Variants in TPO observed in about 807,000 individuals in gnomAD.
TPO encodes the protein thyroid peroxidase, also known as thyroid microsomal antigen.
TPO carries 78 observed loss-of-function variants against 96.9 expected under a neutral mutation model. The ratio of observed to expected loss-of-function variants is 0.81; its 90% confidence interval spans 0.67 to 0.97. The LOEUF is 0.97. Ranked by LOEUF, TPO falls within the 50% of genes least tolerant of loss-of-function variation. The pLI is 0.00. For missense variants in TPO, 1,252 were observed against 1,274.8 expected, an observed-to-expected ratio of 0.98 and a Z score of 0.27; for synonymous variants, 547 against 538.0, an observed-to-expected ratio of 1.02 and a Z score of -0.23.
Position 1,386,597 on chromosome 2 carries a change from A to T in TPO, n.180+12195A>T, listed in dbSNP as rs564705146. Among the ~76,000 whole-genome samples, 7 of 152,022 alleles carry T rather than the reference A, an allele frequency of 4.6e-5. No individual in the cohort carries two copies. In the South Asian group the frequency reaches 1.5e-3, roughly 32 times the overall value. ...TCCTCCGTCCCTTTATTTTGAGCCT[A>T]TGTGTGTCTCTGCATGTGAGATGGG... On this transcript the variant is annotated intron_variant and non_coding_transcript_variant, in intron 1 of 5. Transcript: ENST00000497517.
At chr2:1,413,975 G>A (rs1224460775) in intron 1 of TPO, among the ~76,000 whole-genome samples, 1 of 152,114 alleles carries the variant, frequency 6.6e-6, no homozygotes, top group Non-Finnish European at 1.5e-5. Flanking sequence ...AGGCATTTAG[G>A]GGTTTTATTT....
chr2:1,384,255 T>C (rs1266956348), intron 1 of TPO, among the ~76,000 whole-genome samples: 2 of 152,218 alleles, frequency 1.3e-5, no homozygotes, highest in East Asian at 1.9e-4. Context: ...AAGAAAGTCA[T>C]TGGTAGCTTC....
At chr2:1,470,139 G>A (rs13397445) in intron 7 of TPO, among the ~76,000 whole-genome samples, 10,738 of 152,124 alleles carry the variant, frequency 0.071, 625 homozygotes, top group African/African-American at 0.15. Context: ...TTTCCAATGC[G>A]GTAAAGAAGA....
chr2:1,541,228 C>T, intron 16 of TPO: 1 of 1,117,146 alleles, frequency 9.0e-7, no homozygotes, highest in Non-Finnish European at 1.1e-6. Flanking sequence ...CAGTGGCCTC[C>T]AGAGGGGAGT....
chr2:1,426,992 C>T (rs984248882), intron 3 of TPO, among the ~76,000 whole-genome samples: 8 of 152,248 alleles, frequency 5.3e-5, no homozygotes, highest in Middle Eastern at 3.4e-3. Context: ...GAAGTGTTTA[C>T]GAAAAGGGAG....
chr2:1,470,804 A>G (rs935052751), intron 7 of TPO, among the ~76,000 whole-genome samples: 4 of 152,190 alleles, frequency 2.6e-5, no homozygotes, highest in Non-Finnish European at 5.9e-5. Context: ...TAATTTCCCA[A>G]GAATTTTAAT....
chr2:1,486,460 T>C (rs28911472), intron 9 of TPO, among the ~76,000 whole-genome samples: 2,127 of 151,888 alleles, frequency 0.014, 56 homozygotes, highest in African/African-American at 0.049. Flanking sequence ...CGCTTGAACC[T>C]GGGAGGCAGA....
At chr2:1,507,168 A>G (rs1358773388) in intron 14 of TPO, among the ~76,000 whole-genome samples, 1 of 152,160 alleles carries the variant, frequency 6.6e-6, no homozygotes, top group Non-Finnish European at 1.5e-5. Context: ...TGTTTTTGTC[A>G]GGTTTGTCAA....
Position 1,496,220 on chromosome 2 carries a change from A to T in TPO, c.2215+23A>T, listed in dbSNP as rs369430232. On this transcript the variant is annotated intron_variant, in intron 12 of 16. Coordinates refer to ENST00000329066, the MANE Select transcript of TPO (RefSeq NM_001206744.2). ...AAGGTGAAGTTCGGTCTCCTCTCACACCACGTTACAGCACGTGCATCTCAT... is the reference window on the plus strand; with the variant it reads ...AAGGTGAAGTTCGGTCTCCTCTCACTCCACGTTACAGCACGTGCATCTCAT... 82 of 1,610,138 alleles carry T rather than the reference A, an allele frequency of 5.1e-5. No individual in the cohort carries two copies. The African/African-American group carries it at 7.3e-4, about 14-fold the overall frequency.
intron 15 of TPO, among the ~76,000 whole-genome samples, chr2:1,526,167 C>CT (rs1676446888): frequency 9.5e-6 from 1 of 104,864 alleles, no homozygotes; most frequent in Non-Finnish European, 2.0e-5. Flanking sequence ...CAAATCCCCC[C>CT]ACTGTGTGCA....
chr2:1,418,059 G>T (rs912582246), intron 2 of TPO, among the ~76,000 whole-genome samples: 1 of 152,234 alleles, frequency 6.6e-6, no homozygotes, highest in Non-Finnish European at 1.5e-5. Context: ...GAGGCGGGAA[G>T]ATCACTTGAG....
chr2:1,443,620 T>G, intron 5 of TPO, among the ~76,000 whole-genome samples: 1 of 144,772 alleles, frequency 6.9e-6, no homozygotes, highest in Non-Finnish European at 1.5e-5. Flanking sequence ...GGTACCATGT[T>G]GGAAGGGAAC....
chr2:1,427,517 C>G (rs571978891), intron 3 of TPO, among the ~76,000 whole-genome samples: 1 of 152,252 alleles, frequency 6.6e-6, no homozygotes, highest in South Asian at 2.1e-4. Context: ...GGCAGGCACC[C>G]CTCGGACAGG....
At chr2:1,542,272 C>A in intron 16 of TPO, 149 bp from the exon 17 acceptor site, 1 of 1,108,146 alleles carries the variant, frequency 9.0e-7, no homozygotes, top group Non-Finnish European at 1.3e-6. Flanking sequence ...TTCCCTCCAG[C>A]ATGACAAGCA....
intron 13 of TPO, among the ~76,000 whole-genome samples, chr2:1,500,983 A>C (rs1235085303): frequency 6.6e-6 from 1 of 151,930 alleles, no homozygotes; most frequent in Non-Finnish European, 1.5e-5. Context: ...AAAAAAAAAA[A>C]AAAAACTGGC....
chr2:1,506,464 C>T (rs1209499852), intron 14 of TPO, among the ~76,000 whole-genome samples: 1 of 152,198 alleles, frequency 6.6e-6, no homozygotes, highest in Admixed American at 6.5e-5. Flanking sequence ...GCCACACTGC[C>T]TTCCACAATG....
At chr2:1,459,695 A>G (rs1297311955) in intron 7 of TPO, among the ~76,000 whole-genome samples, 1 of 152,182 alleles carries the variant, frequency 6.6e-6, no homozygotes, top group Admixed American at 6.5e-5. Flanking sequence ...TCTAAACAAA[A>G]TATCCCAAAA....
At chr2:1,429,909 C>T (rs1198946264) in intron 3 of TPO, among the ~76,000 whole-genome samples, 1 of 152,142 alleles carries the variant, frequency 6.6e-6, no homozygotes, top group African/African-American at 2.4e-5. Context: ...AAAAGGGAAG[C>T]AGAGCATAAA....
Position 1,543,182 on chromosome 2 carries a change from T to C in TPO, c.*708T>C, listed in dbSNP as rs1429387476. 1 of 152,616 alleles carries C rather than the reference T, an allele frequency of 6.6e-6. No individual in the cohort carries two copies. Among genetic ancestry groups the C allele is most frequent in the East Asian group, 1.9e-4 (1 of 5,180 alleles). 9.5% of individuals were successfully genotyped at this position (152,616 alleles called of 1,614,324 possible). A position where few individuals can be genotyped will look rare whatever the true frequency, so the allele number is the denominator to read the frequency against. ...CTCCCTCCCTGACTCAACAAGGCAG[T>C]CTCGGGGGCACCGTTAGCCACGCGA... is the stretch of plus-strand genomic sequence containing the variant. On this transcript the variant is annotated 3_prime_UTR_variant, in exon 17 of 17. Coordinates refer to ENST00000329066, the MANE Select transcript of TPO (RefSeq NM_001206744.2).
Sources: allele counts gnomAD v4.1 joint callset (sites outside exome capture counted in the v4.1 genomes callset), GRCh38; gene constraint gnomAD v4.1.1; transcripts MANE v1.5; gene names NCBI Gene and HGNC (gene_info 2026-07-23, HGNC 2026-07-21).